SORCS3: variants seen among roughly 807,000 people sequenced by gnomAD.
SORCS3 encodes the protein VPS10 domain-containing receptor SorCS3.
SORCS3 carries 57 observed loss-of-function variants against 146.3 expected under a neutral mutation model. That is an observed-to-expected ratio of 0.39 (90% CI 0.31 to 0.49). The LOEUF (loss-of-function observed/expected upper bound fraction) is 0.49, where lower values mean the gene tolerates loss of function less well. SORCS3 is among the 20% of genes least tolerant of loss of function. SORCS3 has a pLI of 0.92. For synonymous variants in SORCS3, 653 were observed against 618.5 expected (o/e 1.06, Z -0.83); for missense variants, 1,341 against 1,575.5 (o/e 0.85, Z 2.52).
At chr10:104,736,245 G>A (rs1441948732) in intron 1 of SORCS3, among the ~76,000 whole-genome samples, 1 of 152,216 alleles carries the variant, frequency 6.6e-6, no homozygotes, top group Non-Finnish European at 1.5e-5. Flanking sequence ...CCCTCCGTGA[G>A]ACCCTCTTGT....
intron 6 of SORCS3, among the ~76,000 whole-genome samples, chr10:105,103,915 G>A (rs1205259203): frequency 6.6e-6 from 1 of 152,264 alleles, no homozygotes; most frequent in South Asian, 2.1e-4. Context: ...CTAGACAGAG[G>A]TTCTTTTAGA....
At chr10:104,728,401 G>A (rs2016667039) in intron 1 of SORCS3, among the ~76,000 whole-genome samples, 1 of 152,170 alleles carries the variant, frequency 6.6e-6, no homozygotes, top group Admixed American at 6.5e-5. Flanking sequence ...CTGCAGGGCT[G>A]AGAAAACCTA....
At chr10:104,800,731 G>A (rs988669187) in intron 1 of SORCS3, among the ~76,000 whole-genome samples, 3 of 152,158 alleles carry the variant, frequency 2.0e-5, no homozygotes, top group African/African-American at 7.2e-5. Flanking sequence ...TCCAAATATG[G>A]GTGGAGTGAG....
intron 16 of SORCS3, among the ~76,000 whole-genome samples, chr10:105,205,657 C>T (rs184893165): frequency 8.5e-5 from 13 of 152,226 alleles, no homozygotes; most frequent in East Asian, 5.8e-4. Context: ...CAGTGAGAAA[C>T]GAGGTTGAAC....
intron 12 of SORCS3, 50 bp from the exon 13 acceptor site, chr10:105,167,208 G>A: frequency 7.1e-7 from 1 of 1,418,148 alleles, no homozygotes. Context: ...TAAGCACTAT[G>A]CAAATGTAAG....
intron 1 of SORCS3, among the ~76,000 whole-genome samples, chr10:104,824,742 C>T (rs928787297): frequency 1.3e-5 from 2 of 152,220 alleles, no homozygotes; most frequent in African/African-American, 4.8e-5. Flanking sequence ...CTAGTGGCTG[C>T]TTCCAGTCTG....
chr10:105,237,851 A>G (rs752993689), intron 20 of SORCS3, among the ~76,000 whole-genome samples: 1 of 152,228 alleles, frequency 6.6e-6, no homozygotes, highest in Non-Finnish European at 1.5e-5. Flanking sequence ...TTAAGGAAAT[A>G]ACCTTGGAAG....
chr10:105,151,541 T>A (rs952601234), intron 9 of SORCS3, among the ~76,000 whole-genome samples: 4 of 152,122 alleles, frequency 2.6e-5, no homozygotes, highest in Non-Finnish European at 5.9e-5. Context: ...ATCAGGTAGC[T>A]TGGGCTGACC....
chr10:105,039,896 T>A (rs1040708786), intron 4 of SORCS3, among the ~76,000 whole-genome samples: 1 of 152,178 alleles, frequency 6.6e-6, no homozygotes, highest in African/African-American at 2.4e-5. Flanking sequence ...TCTAACAGTG[T>A]CAGTGTGACC....
intron 1 of SORCS3, among the ~76,000 whole-genome samples, chr10:104,815,448 C>CAAAAAAAAA (rs5787549): frequency 1.3e-5 from 1 of 79,364 alleles, no homozygotes; most frequent in African/African-American, 5.2e-5. Flanking sequence ...GACCCTGTCT[C>CAAAAAAAAA]AAAAAAAAAA....
chr10:104,786,333 C>T (rs1310225825), intron 1 of SORCS3, among the ~76,000 whole-genome samples: 2 of 151,356 alleles, frequency 1.3e-5, no homozygotes, highest in African/African-American at 4.9e-5. Flanking sequence ...AGGCAGATCA[C>T]CTGAGGTCAG....
At chr10:105,263,267 G>A in intron 26 of SORCS3, 43 bp from the exon 27 acceptor site, 3 of 1,592,886 alleles carry the variant, frequency 1.9e-6, no homozygotes, top group Non-Finnish European at 1.7e-6. Flanking sequence ...CTGCCCTTGT[G>A]GAACTCACAT....
At chr10:104,671,286 A>ATATGGCTCC (rs2015849108) in intron 1 of SORCS3, among the ~76,000 whole-genome samples, 1 of 64,420 alleles carries the variant, frequency 1.6e-5, no homozygotes, top group Non-Finnish European at 3.4e-5. Flanking sequence ...GTTTTTTTTT[A>ATATGGCTCC]TATGGCTCCT....
chr10:104,860,338 G>A lies in SORCS3; in HGVS notation c.695+17479G>A, dbSNP rs200061463. Among the ~76,000 whole-genome samples, 28 of 46,860 alleles carry A rather than the reference G, an allele frequency of 6.0e-4. No homozygotes were observed. The East Asian group carries it at 0.018, about 30-fold the overall frequency. 30.7% of individuals were successfully genotyped at this position (46,860 alleles called of 152,430 possible). On this transcript the variant is annotated intron_variant, in intron 2 of 26. Transcript: ENST00000369701. The stretch of plus-strand genomic sequence containing the variant: ...GCAAGAACAAAAAACCAAACACCGC[G>A]TTTGCTCACTCATAGGTGGGAATTG...
chr10:104,715,742 T>G (rs747519413), intron 1 of SORCS3, among the ~76,000 whole-genome samples: 1 of 152,162 alleles, frequency 6.6e-6, no homozygotes, highest in Non-Finnish European at 1.5e-5. Context: ...TAAGGACTAG[T>G]TCTTATCACC....
chr10:104,859,514 A>T (rs1288558979), intron 2 of SORCS3, among the ~76,000 whole-genome samples: 1 of 152,230 alleles, frequency 6.6e-6, no homozygotes, highest in Non-Finnish European at 1.5e-5. Flanking sequence ...ATGGGCAAGG[A>T]CTTCATGTCT....
chr10:104,803,673 G>A (rs1269809430), intron 1 of SORCS3, among the ~76,000 whole-genome samples: 1 of 152,036 alleles, frequency 6.6e-6, no homozygotes. Flanking sequence ...CTATCTCTGG[G>A]TTGCTGTTTA....
At chr10:104,788,354 G>A (rs1247174417) in intron 1 of SORCS3, among the ~76,000 whole-genome samples, 6 of 152,176 alleles carry the variant, frequency 3.9e-5, no homozygotes, top group African/African-American at 1.2e-4. Flanking sequence ...CTGTGAAGAG[G>A]AATGCAAAAG....
chr10:104,851,561 A>T, intron 2 of SORCS3, among the ~76,000 whole-genome samples: 1 of 152,198 alleles, frequency 6.6e-6, no homozygotes, highest in Admixed American at 6.5e-5. Flanking sequence ...TTATAGGTGG[A>T]TGCATTTCCT....
Sources: allele counts gnomAD v4.1 joint callset (sites outside exome capture counted in the v4.1 genomes callset), GRCh38; gene constraint gnomAD v4.1.1; transcripts MANE v1.5; gene names NCBI Gene and HGNC (gene_info 2026-07-23, HGNC 2026-07-21).